Variants in ATE1 observed in about 807,000 individuals in gnomAD.
ATE1 encodes arginyltransferase 1.
In ATE1, 36 loss-of-function variants were observed where a neutral mutation model predicts 70.5. The observed-to-expected ratio is 0.51, with a 90% CI of 0.39 to 0.67. The LOEUF (loss-of-function observed/expected upper bound fraction) is 0.67. Ranked by LOEUF, ATE1 falls within the 30% of genes least tolerant of loss-of-function variation. The pLI is 0.00. For synonymous variants in ATE1, 232 were observed against 219.3 expected (o/e 1.06, Z -0.51); for missense variants, 593 against 629.5 (o/e 0.94, Z 0.62).
chr10:121,847,426 T>G (rs766005921), intron 8 of ATE1, among the ~76,000 whole-genome samples: 8 of 128,986 alleles, frequency 6.2e-5, no homozygotes, highest in Non-Finnish European at 1.2e-4. Context: ...CCAGCCTGGG[T>G]AACAGAGCGA....
chr10:121,745,652 G>A lies in ATE1; in HGVS notation c.1379-1794C>T, dbSNP rs868143386. Among the ~76,000 whole-genome samples the A allele has an allele frequency of 3.9e-5, 6 of 152,194 alleles. No individual in the cohort carries two copies. The East Asian group carries it at 7.7e-4, about 20-fold the overall frequency. ...TGAGGCAGGAGAATGGTGTGAACCC[G>A]GGAGGCGGAGTTTGCAGTGAGCCGA... is the stretch of plus-strand genomic sequence containing the variant. On this transcript the variant is annotated intron_variant, in intron 11 of 11. Coordinates refer to ENST00000224652, the MANE Select transcript of ATE1 (RefSeq NM_001001976.3).
upstream of ATE1, chr10:121,928,228 A>G: frequency 7.3e-7 from 1 of 1,368,280 alleles, no homozygotes; most frequent in Non-Finnish European, 9.6e-7. Flanking sequence ...GGGAAACAGG[A>G]TGGGGAGAGT....
At chr10:121,845,959 C>T (rs1405391184) in intron 8 of ATE1, among the ~76,000 whole-genome samples, 1 of 151,890 alleles carries the variant, frequency 6.6e-6, no homozygotes, top group African/African-American at 2.4e-5. Context: ...CTAGAAGAAA[C>T]ACCACCCCAG....
At position 121,871,024 on chromosome 10, in the gene ATE1, C is replaced by T. The variant is rs139760298; in HGVS notation, c.943-986G>A. On this transcript the variant is annotated intron_variant, in intron 7 of 11. Transcript: ENST00000224652. Reference sequence around the variant, plus strand: ...TCCTCCCCACAACAAAGCTAGTACTCGCAGGGAATACAAATAACTTGTATT... The same window carrying T: ...TCCTCCCCACAACAAAGCTAGTACTTGCAGGGAATACAAATAACTTGTATT... 7.1e-3 allele frequency among the ~76,000 whole-genome samples: 1,077 copies of T among 152,262 alleles called. 25 individuals are homozygous for T. The highest frequency in any genetic ancestry group is 0.025 in the African/African-American group (1,019 of 41,542).
intron 1 of ATE1, 22 bp downstream of exon 1, chr10:121,927,822 C>A: frequency 6.5e-7 from 1 of 1,544,420 alleles, no homozygotes; most frequent in Non-Finnish European, 8.7e-7. Flanking sequence ...GCTTCCCACG[C>A]CCGCCGGCCC....
intron 10 of ATE1, among the ~76,000 whole-genome samples, chr10:121,820,385 A>C (rs147994568): frequency 4.3e-4 from 66 of 152,350 alleles, no homozygotes; most frequent in African/African-American, 1.6e-3. Flanking sequence ...TGCATAATTA[A>C]ACAAACATAT....
At chr10:121,771,270 C>A (rs1945507190) in intron 11 of ATE1, among the ~76,000 whole-genome samples, 1 of 152,058 alleles carries the variant, frequency 6.6e-6, no homozygotes, top group Non-Finnish European at 1.5e-5. Flanking sequence ...GGGGTTTCAC[C>A]ATCTTGGCCA....
In ATE1 at chr10:121,926,885, T is replaced by C. The variant is rs918532896; in HGVS notation, c.106+959A>G. 5.8e-5 allele frequency: 57 copies of C among 985,322 alleles called. 1 individual carries two copies. The Admixed American group carries it at 1.7e-3, about 29-fold the overall frequency. The allele number at this position is 985,322 out of a possible 1,614,324, so 61.0% of individuals were successfully genotyped here. The stretch of plus-strand genomic sequence containing the variant: ...TCTTCATAATCCTCACTTCTAACGA[T>C]TGCATAACTGTCTACTCAAAACCGC... On this transcript the variant is annotated intron_variant, in intron 1 of 11. Coordinates refer to ENST00000224652, the MANE Select transcript of ATE1 (RefSeq NM_001001976.3).
intron 8 of ATE1, among the ~76,000 whole-genome samples, chr10:121,861,375 A>T (rs1309323911): frequency 6.6e-6 from 1 of 152,042 alleles, no homozygotes; most frequent in African/African-American, 2.4e-5. Flanking sequence ...TTTCTAGGAA[A>T]AGACTTCCAG....
chr10:121,924,229 T>C lies in ATE1; in HGVS notation c.170+37A>G, dbSNP rs1951991077. On this transcript the variant is annotated intron_variant, in intron 2 of 11. Coordinates refer to ENST00000224652, the MANE Select transcript of ATE1 (RefSeq NM_001001976.3). The stretch of plus-strand genomic sequence containing the variant: ...ATGCTGTATTTTTCAAGAACCTGAG[T>C]AACAGTAGGAAGTCTCTTTGTATCT... The C allele has an allele frequency of 1.9e-6, 3 of 1,593,430 alleles. 1 individual carries two copies. Among genetic ancestry groups the C allele is most frequent in the South Asian group, 2.2e-5 (2 of 90,362 alleles).
chr10:121,823,592 G>C (rs914704966), intron 10 of ATE1, among the ~76,000 whole-genome samples: 9 of 152,208 alleles, frequency 5.9e-5, no homozygotes, highest in Admixed American at 2.6e-4. Context: ...CTATGCAAGA[G>C]AAGGAAGCAC....
At chr10:121,832,040 A>G (rs1948259171) in intron 10 of ATE1, among the ~76,000 whole-genome samples, 1 of 152,250 alleles carries the variant, frequency 6.6e-6, no homozygotes, top group African/African-American at 2.4e-5. Context: ...GGACTAAAGG[A>G]GTGACATGAT....
At position 121,841,089 on chromosome 10, in the gene ATE1, C is replaced by A; in HGVS notation, c.1150G>T (p.Ala384Ser). Residue 384 changes from alanine (A) to serine (S), a missense_variant, in exon 9 of 12, where the codon GCA (alanine) becomes TCA (serine). By Grantham distance (99) the Ala-to-Ser change is moderately conservative. Around this residue, in one of 3 missense-constraint regions of ATE1, gnomAD observed 467 missense variants for 469.6 expected, o/e 0.99. Transcript: ENST00000224652. The stretch of plus-strand genomic sequence containing the variant: ...GGCAAAAAGCAATCTTACCGTAGTG[C>A]AGAGTAGACGCCCAAAGACAAAAAC... Reference protein sequence around the residue: ...YSFLSLGVYSALREIAFTRQL... With the variant: ...YSFLSLGVYSSLREIAFTRQL... 6.4e-7 allele frequency: 1 copy of A among 1,555,086 alleles called. No homozygotes were observed. Among genetic ancestry groups the A allele is most frequent in the Non-Finnish European group, 8.7e-7 (1 of 1,144,864 alleles).
intron 10 of ATE1, among the ~76,000 whole-genome samples, chr10:121,833,205 T>G (rs750950995): frequency 6.6e-6 from 1 of 152,078 alleles, no homozygotes; most frequent in African/African-American, 2.4e-5. Flanking sequence ...TCAGTCACAA[T>G]ACCTATCACA....
Position 121,924,298 on chromosome 10 carries a change from A to G in ATE1, c.138T>C (p.Asp46=), listed in dbSNP as rs1564972739. Residue 46 remains aspartate, a synonymous_variant, in exon 2 of 12, where the codon GAT becomes GAC. Transcript: ENST00000224652. ...ATCCTCGGTCTATGAGATCCTGATA[A>G]TCCTGTACTGTCATGGAATGTGCCC... The part of the protein sequence containing the change: ...GMWAHSMTVQ[D]YQDLIDRGWR... 2 of 1,614,044 alleles carry G rather than the reference A, an allele frequency of 1.2e-6. No homozygotes were observed. Among genetic ancestry groups the G allele is most frequent in the Non-Finnish European group, 1.7e-6 (2 of 1,180,012 alleles).
At chr10:121,906,334 C>A (rs889864730) in intron 5 of ATE1, among the ~76,000 whole-genome samples, 1 of 152,050 alleles carries the variant, frequency 6.6e-6, no homozygotes, top group Non-Finnish European at 1.5e-5. Context: ...TCAAGACCAG[C>A]CTGTACAACA....
intron 7 of ATE1, among the ~76,000 whole-genome samples, chr10:121,878,750 A>G (rs1950139313): frequency 6.6e-6 from 1 of 152,210 alleles, no homozygotes; most frequent in African/African-American, 2.4e-5. Flanking sequence ...AAAATCAGTG[A>G]AAGCACACAA....
In ATE1 at chr10:121,887,084, T is replaced by C. The variant is rs149445291; in HGVS notation, c.942+12782A>G. 2.7e-4 allele frequency among the ~76,000 whole-genome samples: 41 copies of C among 152,222 alleles called. No homozygotes were observed. In the East Asian group the frequency reaches 5.2e-3, roughly 19 times the overall value. On this transcript the variant is annotated intron_variant, in intron 7 of 11. Transcript: ENST00000224652. ...CCTCAATGAAAATTACAATAAATGA[T>C]AGAAAAAGAAGCCTTTATTCATACT...
chr10:121,803,005 C>T (rs932768915), intron 10 of ATE1, among the ~76,000 whole-genome samples: 10 of 152,110 alleles, frequency 6.6e-5, no homozygotes, highest in Non-Finnish European at 1.5e-4. Context: ...GAAGGGTCAG[C>T]GTTGACGTCT....
Sources: allele counts gnomAD v4.1 joint callset (sites outside exome capture counted in the v4.1 genomes callset), GRCh38; gene constraint gnomAD v4.1.1; regional missense constraint gnomAD v4.1.1; transcripts MANE v1.5; gene names NCBI Gene and HGNC (gene_info 2026-07-23, HGNC 2026-07-21).